ADGRL3: variants seen among roughly 807,000 people sequenced by gnomAD.
The protein encoded by ADGRL3 is adhesion G protein-coupled receptor L3, also known as calcium-independent alpha-latrotoxin receptor 3.
A neutral mutation model predicts 153.5 loss-of-function variants in ADGRL3; 62 were observed. The ratio of observed to expected loss-of-function variants is 0.40; its 90% CI spans 0.33 to 0.50. The LOEUF is 0.50. Among genes scored for constraint, ADGRL3 ranks in the 20% least tolerant of loss-of-function variants. ADGRL3 has a pLI of 0.47. For missense variants in ADGRL3, 1,641 were observed against 1,859.4 expected, an observed-to-expected ratio of 0.88 and a Z score of 2.16; for synonymous variants, 710 against 672.5, an observed-to-expected ratio of 1.06 and a Z score of -0.86.
In ADGRL3 at chr4:62,073,885, T is replaced by C. The variant is rs1251223152; in HGVS notation, c.*2977T>C. On this transcript the variant is annotated 3_prime_UTR_variant, in exon 27 of 27. Transcript: ENST00000683033. ...TCCCAAAGATTATAACAGAGAGAAA[T>C]TTCCCCTGCAAGTATTATGTAACCG... 1 of 152,014 alleles carries C rather than the reference T, an allele frequency of 6.6e-6. No homozygotes were observed. Among genetic ancestry groups the C allele is most frequent in the Non-Finnish European group, 1.5e-5 (1 of 67,966 alleles). 9.4% of individuals were successfully genotyped at this position (152,014 alleles called of 1,614,324 possible).
At chr4:61,291,133 T>G (rs369213348) in intron 1 of ADGRL3, among the ~76,000 whole-genome samples, 1 of 151,438 alleles carries the variant, frequency 6.6e-6, no homozygotes, top group African/African-American at 2.4e-5. Context: ...CTTTGCTATA[T>G]GTATTTTGAA....
chr4:61,772,158 TGA>T (rs2097094403), intron 8 of ADGRL3, among the ~76,000 whole-genome samples: 1 of 152,098 alleles, frequency 6.6e-6, no homozygotes, highest in South Asian at 2.1e-4. Context: ...ACCAAATTTG[TGA>T]GAGTCACAAT....
intron 9 of ADGRL3, among the ~76,000 whole-genome samples, chr4:61,828,425 GA>G (rs1561316862): frequency 3.3e-5 from 5 of 152,136 alleles, no homozygotes. Context: ...GGGTGCGGGG[GA>G]TGGGGTGGTG....
intron 2 of ADGRL3, among the ~76,000 whole-genome samples, chr4:61,470,684 G>A (rs1040918844): frequency 6.6e-6 from 1 of 151,878 alleles, no homozygotes; most frequent in South Asian, 2.1e-4. Context: ...TAGCAACTAT[G>A]AGCAAGGTTC....
At chr4:61,589,838 A>G (rs1355757328) in intron 5 of ADGRL3, among the ~76,000 whole-genome samples, 2 of 152,174 alleles carry the variant, frequency 1.3e-5, no homozygotes, top group African/African-American at 4.8e-5. Context: ...TGTGTAAATT[A>G]AAGCTAAGTG....
chr4:61,377,336 C>G (rs936679359), intron 1 of ADGRL3, among the ~76,000 whole-genome samples: 22 of 152,038 alleles, frequency 1.4e-4, no homozygotes, highest in South Asian at 4.1e-4. Flanking sequence ...ACTTATGAAA[C>G]TCAGCCTTCT....
intron 19 of ADGRL3, among the ~76,000 whole-genome samples, chr4:61,993,480 T>A (rs1323978831): frequency 6.6e-6 from 1 of 151,492 alleles, no homozygotes; most frequent in African/African-American, 2.4e-5. Context: ...TTAGTAGAGA[T>A]GGGATTTCAC....
chr4:61,974,337 G>T (rs1215183403), intron 17 of ADGRL3, among the ~76,000 whole-genome samples: 2 of 152,072 alleles, frequency 1.3e-5, no homozygotes. Flanking sequence ...AGCTGGAAAT[G>T]TTATAAAGTG....
rs2097374536 is a variant in ADGRL3, at chr4:61,432,606, CTTTCTTTCTTTCTTTCTTTCTTTCT to C, written c.-174+49420_-174+49444del. On this transcript the variant is annotated intron_variant, in intron 2 of 26. Coordinates refer to ENST00000683033, the MANE Select transcript of ADGRL3 (RefSeq NM_001387552.1). ...TCTTTCTTTCTTTCTTTCTTTCTTT[CTTTCTTTCTTTCTTTCTTTCTTTCT>C]TTCTTTCTTTCTTTCTTTCTTTCTT... Among the ~76,000 whole-genome samples, 3 of 64,092 alleles carry C rather than the reference CTTTCTTTCTTTCTTTCTTTCTTTCT, an allele frequency of 4.7e-5. 1 individual carries two copies. The East Asian group carries it at 8.6e-4, about 18-fold the overall frequency. The allele number at this position is 64,092 out of a possible 152,430, so 42.0% of individuals were successfully genotyped here. A position where few individuals can be genotyped will look rare whatever the true frequency, so the allele number is the denominator to read the frequency against.
intron 8 of ADGRL3, among the ~76,000 whole-genome samples, chr4:61,751,670 A>C (rs1460638160): frequency 6.6e-6 from 1 of 152,208 alleles, no homozygotes; most frequent in Non-Finnish European, 1.5e-5. Context: ...AAACTTTTGC[A>C]GAGATTCTGA....
chr4:61,414,616 C>T (rs2097126004), intron 2 of ADGRL3, among the ~76,000 whole-genome samples: 2 of 150,768 alleles, frequency 1.3e-5, no homozygotes, highest in South Asian at 4.2e-4. Context: ...AGTGGTTTTG[C>T]GGTTATATTA....
At chr4:61,606,807 G>T (rs1385927349) in intron 5 of ADGRL3, among the ~76,000 whole-genome samples, 2 of 152,016 alleles carry the variant, frequency 1.3e-5, no homozygotes, top group East Asian at 1.9e-4. Context: ...AATGAGGATA[G>T]AATTAAGGGG....
chr4:61,536,686 T>C (rs2098658527), intron 4 of ADGRL3, among the ~76,000 whole-genome samples: 1 of 152,032 alleles, frequency 6.6e-6, no homozygotes, highest in African/African-American at 2.4e-5. Context: ...TGTCTTTTAA[T>C]TGATACAAGA....
At chr4:61,462,752 GC>G (rs2097838961) in intron 2 of ADGRL3, among the ~76,000 whole-genome samples, 2 of 152,242 alleles carry the variant, frequency 1.3e-5, no homozygotes, top group East Asian at 3.9e-4. Context: ...TGGGCAATCA[GC>G]CTAGCCAGGC....
chr4:61,577,917 CAA>C (rs1278187107), intron 4 of ADGRL3, among the ~76,000 whole-genome samples: 2 of 151,668 alleles, frequency 1.3e-5, no homozygotes, highest in East Asian at 3.9e-4. Context: ...GATTTTTATA[CAA>C]AGATTCATAT....
At chr4:61,263,348 A>G (rs928773986) in intron 1 of ADGRL3, among the ~76,000 whole-genome samples, 1 of 151,926 alleles carries the variant, frequency 6.6e-6, no homozygotes, top group African/African-American at 2.4e-5. Flanking sequence ...CATTCAAAAA[A>G]TATTAGGCTA....
chr4:61,269,704 A>G (rs1027321669), intron 1 of ADGRL3, among the ~76,000 whole-genome samples: 6 of 151,732 alleles, frequency 4.0e-5, no homozygotes, highest in African/African-American at 1.4e-4. Flanking sequence ...TTTTGGCTAG[A>G]TCTATTATTT....
At chr4:61,456,427 ATC>A (rs1300702830) in intron 2 of ADGRL3, among the ~76,000 whole-genome samples, 18 of 55,490 alleles carry the variant, frequency 3.2e-4, no homozygotes, top group East Asian at 2.7e-3. Flanking sequence ...ATATATCTAT[ATC>A]TATATATATA....
At chr4:61,216,383 A>G (rs575797598) in intron 1 of ADGRL3, among the ~76,000 whole-genome samples, 1 of 152,132 alleles carries the variant, frequency 6.6e-6, no homozygotes, top group Admixed American at 6.5e-5. Context: ...TTTAATGTTT[A>G]TATTAAATAC....
Sources: gnomAD v4.1 joint callset for allele counts (sites outside exome capture counted in the v4.1 genomes callset) on GRCh38, gnomAD v4.1.1 for gene constraint, MANE v1.5 for transcripts, NCBI Gene and HGNC (gene_info 2026-07-23, HGNC 2026-07-21) for gene names.